SPMIP2: variants seen among roughly 807,000 people sequenced by gnomAD.
SPMIP2 encodes sperm microtubule inner protein 2, also known as protein SPMIP2.
At chr4:158,981,094 G>A in the SPMIP2 span, among the ~76,000 whole-genome samples, 1 of 152,272 alleles carries the variant, frequency 6.6e-6, no homozygotes, top group Admixed American at 6.5e-5. Context: ...TAAAGCAGAA[G>A]AAAGGATATC....
At chr4:158,949,027 ATC>A in the SPMIP2 span, among the ~76,000 whole-genome samples, 19 of 152,064 alleles carry the variant, frequency 1.2e-4, no homozygotes, top group Middle Eastern at 3.4e-3. Context: ...ATTTTAACTG[ATC>A]TCTTATTTTT....
At chr4:158,928,090 G>A in the SPMIP2 span, among the ~76,000 whole-genome samples, 7 of 152,338 alleles carry the variant, frequency 4.6e-5, no homozygotes, top group Non-Finnish European at 7.4e-5. Context: ...GAGTGCAGGC[G>A]CAAGGCACGG....
the SPMIP2 span, chr4:158,973,152 C>G: frequency 6.2e-7 from 1 of 1,612,892 alleles, no homozygotes; most frequent in East Asian, 2.2e-5. Flanking sequence ...ACCAATTTCA[C>G]TGACGTACTC....
chr4:158,893,564 G>A, the SPMIP2 span: 2 of 682,428 alleles, frequency 2.9e-6, no homozygotes, highest in East Asian at 2.7e-5. Context: ...TGGGCTTTAA[G>A]CTGAAGCGTA....
the SPMIP2 span, among the ~76,000 whole-genome samples, chr4:159,022,415 C>G: frequency 1.3e-5 from 2 of 152,082 alleles, no homozygotes; most frequent in Admixed American, 1.3e-4. Context: ...TCTGATCTTC[C>G]TACTAAAATT....
At chr4:159,054,211 G>A in the SPMIP2 span, among the ~76,000 whole-genome samples, 2 of 152,054 alleles carry the variant, frequency 1.3e-5, no homozygotes, top group African/African-American at 4.8e-5. Context: ...TTGAACTCCT[G>A]TCCTCAGGTG....
the SPMIP2 span, among the ~76,000 whole-genome samples, chr4:159,079,238 A>G: frequency 6.6e-6 from 1 of 152,128 alleles, no homozygotes; most frequent in Non-Finnish European, 1.5e-5. Context: ...GATGTTTTTT[A>G]GAGGTGTGGC....
At chr4:158,895,185 A>G in the SPMIP2 span, among the ~76,000 whole-genome samples, 4 of 152,326 alleles carry the variant, frequency 2.6e-5, no homozygotes, top group African/African-American at 9.6e-5. Context: ...CCTAGTTAAA[A>G]TACATTCTTG....
the SPMIP2 span, among the ~76,000 whole-genome samples, chr4:159,035,781 G>A: frequency 2.6e-5 from 4 of 152,064 alleles, no homozygotes; most frequent in South Asian, 2.1e-4. Flanking sequence ...AATATTTCTT[G>A]TCCTTTGACA....
the SPMIP2 span, among the ~76,000 whole-genome samples, chr4:158,917,124 C>T: frequency 6.6e-6 from 1 of 152,232 alleles, no homozygotes; most frequent in African/African-American, 2.4e-5. Flanking sequence ...ATGGCACACG[C>T]CTGTAGTCCC....
At chr4:158,981,848 G>C in the SPMIP2 span, among the ~76,000 whole-genome samples, 1 of 132,320 alleles carries the variant, frequency 7.6e-6, no homozygotes, top group African/African-American at 2.8e-5. Context: ...TAGCATAATA[G>C]AGACAGGATC....
the SPMIP2 span, among the ~76,000 whole-genome samples, chr4:159,019,410 C>A: frequency 3.3e-5 from 5 of 151,368 alleles, no homozygotes; most frequent in Non-Finnish European, 5.9e-5. Context: ...TTGGTGATAT[C>A]TGTGGAATGG....
the SPMIP2 span, among the ~76,000 whole-genome samples, chr4:159,073,982 G>A: frequency 2.6e-5 from 4 of 152,052 alleles, no homozygotes; most frequent in African/African-American, 9.7e-5. Context: ...TCCAGCCTGG[G>A]TGACAGAGTG....
At chr4:159,046,870 G>A in the SPMIP2 span, among the ~76,000 whole-genome samples, 1 of 152,212 alleles carries the variant, frequency 6.6e-6, no homozygotes, top group African/African-American at 2.4e-5. Flanking sequence ...ACTACGCCCA[G>A]CCCTTCAGCT....
At chr4:159,061,171 G>C in the SPMIP2 span, among the ~76,000 whole-genome samples, 3 of 150,278 alleles carry the variant, frequency 2.0e-5, no homozygotes, top group African/African-American at 4.9e-5. Flanking sequence ...GGAGGGAAAG[G>C]AATATAGCCA....
At chr4:158,997,262 C>T in the SPMIP2 span, among the ~76,000 whole-genome samples, 3 of 145,364 alleles carry the variant, frequency 2.1e-5, no homozygotes, top group Non-Finnish European at 4.5e-5. Context: ...TGAAGCTTCG[C>T]TCTTGTTGCC....
the SPMIP2 span, among the ~76,000 whole-genome samples, chr4:158,990,900 A>G: frequency 6.6e-6 from 1 of 152,166 alleles, no homozygotes; most frequent in Non-Finnish European, 1.5e-5. Context: ...GATAGCTCAA[A>G]TAAATTCATT....
chr4:158,935,979 T>A, the SPMIP2 span, among the ~76,000 whole-genome samples: 512 of 152,318 alleles, frequency 3.4e-3, 1 homozygote, highest in Middle Eastern at 0.01. Flanking sequence ...GCCATTTTGA[T>A]TCACGACCAA....
the SPMIP2 span, among the ~76,000 whole-genome samples, chr4:158,902,581 T>A: frequency 6.6e-6 from 1 of 152,204 alleles, no homozygotes; most frequent in Non-Finnish European, 1.5e-5. Flanking sequence ...AAGCTGTGCC[T>A]ACAGCCGCCC....
Sources: allele counts gnomAD v4.1 joint callset (sites outside exome capture counted in the v4.1 genomes callset), GRCh38; gene constraint gnomAD v4.1.1; transcripts MANE v1.5; gene names NCBI Gene and HGNC (gene_info 2026-07-23, HGNC 2026-07-21).